Variants in HYDIN observed in about 807,000 individuals in gnomAD.
The protein encoded by HYDIN is HYDIN axonemal central pair apparatus protein.
In HYDIN, 132 loss-of-function variants were observed where a neutral mutation model predicts 403.9. The ratio of observed to expected loss-of-function variants is 0.33; its 90% CI spans 0.28 to 0.38. HYDIN has a LOEUF of 0.38. Ranked by LOEUF, HYDIN falls within the 10% of genes least tolerant of loss-of-function variation. The pLI, the probability that HYDIN is intolerant of heterozygous loss-of-function variation, is 1.00. For synonymous variants in HYDIN, 1,202 were observed against 1,891.7 expected, an observed-to-expected ratio of 0.64 and a Z score of 9.46; for missense variants, 2,827 against 5,009.5, an observed-to-expected ratio of 0.56 and a Z score of 13.15.
At chr16:71,135,731 T>TA (rs1230010993) in intron 8 of HYDIN, among the ~76,000 whole-genome samples, 2 of 151,930 alleles carry the variant, frequency 1.3e-5, no homozygotes, top group African/African-American at 4.8e-5. Flanking sequence ...TTGTGCCTTT[T>TA]AAAACCACAG....
intron 45 of HYDIN, among the ~76,000 whole-genome samples, chr16:70,931,210 G>GTTT (rs71387550): frequency 0.099 from 5,835 of 59,152 alleles, 705 homozygotes; most frequent in Non-Finnish European, 0.12. Flanking sequence ...TCTTTCTTCT[G>GTTT]TTTTTTTTTT....
chr16:70,850,081 T>C, intron 74 of HYDIN, 134 bp from the exon 75 acceptor site: 1 of 624,174 alleles, frequency 1.6e-6, no homozygotes, highest in East Asian at 2.7e-5. Flanking sequence ...TGACTATCTT[T>C]AGCTTAATGG....
intron 1 of HYDIN, among the ~76,000 whole-genome samples, chr16:71,212,500 A>G (rs570152576): frequency 6.6e-6 from 1 of 152,324 alleles, no homozygotes; most frequent in Non-Finnish European, 1.5e-5. Flanking sequence ...TAAGTTGTAT[A>G]GAAGATTTGA....
At chr16:71,078,449 T>C (rs1484578769) in intron 13 of HYDIN, among the ~76,000 whole-genome samples, 1 of 152,142 alleles carries the variant, frequency 6.6e-6, no homozygotes, top group Non-Finnish European at 1.5e-5. Context: ...CTGCCTTAAA[T>C]ATCTGCAATT....
intron 10 of HYDIN, among the ~76,000 whole-genome samples, chr16:71,096,402 T>C (rs2083279369): frequency 6.6e-6 from 1 of 152,246 alleles, no homozygotes. Flanking sequence ...TAATTGTCTT[T>C]CATCAATTCT....
intron 1 of HYDIN, among the ~76,000 whole-genome samples, chr16:71,215,570 T>TAAA (rs66570981): frequency 6.8e-6 from 1 of 148,046 alleles, no homozygotes. Context: ...TTAATGCCAT[T>TAAA]AAAAAAAAAA....
chr16:70,877,636 T>C (rs560678102), intron 62 of HYDIN, among the ~76,000 whole-genome samples: 3 of 152,132 alleles, frequency 2.0e-5, no homozygotes, highest in Admixed American at 6.6e-5. Context: ...CAGTTCAAAA[T>C]AGGGTTTGCA....
At chr16:71,221,127 C>A (rs925114959) in intron 1 of HYDIN, among the ~76,000 whole-genome samples, 5 of 151,984 alleles carry the variant, frequency 3.3e-5, no homozygotes, top group African/African-American at 1.2e-4. Context: ...GGTGGGGAGA[C>A]TGATAGTTGA....
At chr16:71,031,379 C>T (rs113604943) in intron 19 of HYDIN, 65,402 of 1,147,962 alleles carry the variant, frequency 0.057, 1,368 homozygotes, top group Middle Eastern at 0.094. Context: ...GGAGAAATTA[C>T]GGTTGAGAGT....
intron 37 of HYDIN, among the ~76,000 whole-genome samples, chr16:70,964,092 G>A (rs1597427828): frequency 8.0e-6 from 1 of 125,500 alleles, no homozygotes; most frequent in East Asian, 2.6e-4. Flanking sequence ...GAACCTTTAT[G>A]GCCAAGCACA....
intron 18 of HYDIN, among the ~76,000 whole-genome samples, chr16:71,037,798 G>T (rs2081143588): frequency 6.6e-6 from 1 of 152,202 alleles, no homozygotes; most frequent in Non-Finnish European, 1.5e-5. Flanking sequence ...CAAGACTCCC[G>T]AAAGGAATGC....
intron 81 of HYDIN, among the ~76,000 whole-genome samples, 156 bp from the exon 82 acceptor site, chr16:70,828,585 AG>A (rs2036748227): frequency 6.6e-6 from 1 of 150,640 alleles, no homozygotes; most frequent in Admixed American, 6.6e-5. Flanking sequence ...TTCAGGAGAT[AG>A]AAAAATGTTC....
intron 8 of HYDIN, among the ~76,000 whole-genome samples, chr16:71,136,486 C>T (rs771039095): frequency 9.2e-5 from 14 of 151,478 alleles, no homozygotes; most frequent in Non-Finnish European, 1.3e-4. Flanking sequence ...TCAACCTGGC[C>T]GGGCATGGTG....
intron 1 of HYDIN, among the ~76,000 whole-genome samples, chr16:71,187,316 A>G (rs2087202577): frequency 1.3e-5 from 2 of 152,212 alleles, no homozygotes; most frequent in Non-Finnish European, 2.9e-5. Flanking sequence ...GAATAAATAC[A>G]AGGTTACAGG....
intron 1 of HYDIN, among the ~76,000 whole-genome samples, chr16:71,199,958 A>G (rs557302627): frequency 7.7e-4 from 117 of 152,294 alleles, no homozygotes; most frequent in Admixed American, 5.8e-3. Context: ...AGGATGAGAC[A>G]GGAGGTCAGC....
chr16:71,116,915 G>A (rs1243680753), intron 9 of HYDIN, among the ~76,000 whole-genome samples: 3 of 152,002 alleles, frequency 2.0e-5, no homozygotes, highest in African/African-American at 7.3e-5. Context: ...TCCCAGTACC[G>A]GGGCTTCAGA....
At chr16:71,219,501 T>G (rs2089080076) in intron 1 of HYDIN, among the ~76,000 whole-genome samples, 1 of 152,136 alleles carries the variant, frequency 6.6e-6, no homozygotes, top group African/African-American at 2.4e-5. Context: ...TATCACCCCT[T>G]TAAGAATATA....
intron 1 of HYDIN, among the ~76,000 whole-genome samples, chr16:71,211,923 T>G (rs2113276): frequency 0.36 from 54,360 of 151,950 alleles, 10,187 homozygotes; most frequent in East Asian, 0.58. Context: ...GATGATATCT[T>G]CAAGGCACGG....
At chr16:71,097,664 A>C (rs528982210) in intron 10 of HYDIN, among the ~76,000 whole-genome samples, 24 of 143,880 alleles carry the variant, frequency 1.7e-4, no homozygotes, top group African/African-American at 6.3e-4. Flanking sequence ...TTCTCTCCAC[A>C]TTCTCCCCAG....
Sources: gnomAD v4.1 joint callset for allele counts (sites outside exome capture counted in the v4.1 genomes callset) on GRCh38, gnomAD v4.1.1 for gene constraint, MANE v1.5 for transcripts, NCBI Gene and HGNC (gene_info 2026-07-23, HGNC 2026-07-21) for gene names.